TNK2: variants seen among roughly 807,000 people sequenced by gnomAD.
TNK2 encodes tyrosine kinase non receptor 2, also known as activated CDC42 kinase 1.
Under a neutral mutation model 101.8 loss-of-function variants are expected in TNK2, and 83 were observed. That is an observed-to-expected ratio of 0.82 (90% confidence interval 0.68 to 0.98). The LOEUF is 0.98. Ranked by LOEUF, TNK2 falls within the 50% of genes least tolerant of loss-of-function variation. TNK2 has a pLI of 0.00. For missense variants in TNK2, 1,665 were observed against 1,483.2 expected, an observed-to-expected ratio of 1.12 and a Z score of -2.01; for synonymous variants, 804 against 633.0, an observed-to-expected ratio of 1.27 and a Z score of -4.06.
At chr3:195,895,634 GCT>G in intron 1 of TNK2, 4 of 1,282,704 alleles carry the variant, frequency 3.1e-6, no homozygotes, top group Non-Finnish European at 3.9e-6. Context: ...GAGAGCCGGG[GCT>G]CTGCCTTCGC....
intron 15 of TNK2, among the ~76,000 whole-genome samples, chr3:195,865,652 A>G (rs1256977178): frequency 6.7e-6 from 1 of 150,250 alleles, no homozygotes; most frequent in African/African-American, 2.5e-5. Context: ...AATGACAGAC[A>G]GGTGACACAG....
intron 1 of TNK2, among the ~76,000 whole-genome samples, chr3:195,891,630 C>G (rs551531944): frequency 6.6e-6 from 1 of 151,942 alleles, no homozygotes. Context: ...CCACGGCCAC[C>G]GCTGCCCTGT....
At chr3:195,894,596 A>G (rs961512937) in intron 1 of TNK2, 2 of 151,380 alleles carry the variant, frequency 1.3e-5, no homozygotes, top group Non-Finnish European at 2.9e-5. Context: ...GCTGGTCCCG[A>G]ATTCCTGACC....
intron 10 of TNK2, 121 bp downstream of exon 10, chr3:195,872,155 G>A (rs937166208): frequency 1.9e-5 from 22 of 1,137,726 alleles, no homozygotes; most frequent in South Asian, 7.7e-5. Flanking sequence ...GGAGAGTGGC[G>A]GGTCGGGGGC....
Position 195,883,067 on chromosome 3 carries a change from C to T in TNK2, c.609+90G>A. 3 of 1,522,138 alleles carry T rather than the reference C, an allele frequency of 2.0e-6. No individual in the cohort carries two copies. The South Asian group carries it at 3.6e-5, about 18-fold the overall frequency. 94.3% of individuals were successfully genotyped at this position (1,522,138 alleles called of 1,614,324 possible). The stretch of plus-strand genomic sequence containing the variant: ...GGGACCAAAGTAGGATCTAGGGCGC[C>T]TCTGACCTTAGGATGGAGAGAGGAA... On this transcript the variant is annotated intron_variant, in intron 5 of 15. Transcript: ENST00000672887.
chr3:195,878,604 G>C lies in TNK2; in HGVS notation c.1015-12C>G, dbSNP rs1750719726. 1 of 1,608,784 alleles carries C rather than the reference G, an allele frequency of 6.2e-7. No homozygotes were observed. Among genetic ancestry groups the C allele is most frequent in the Non-Finnish European group, 8.5e-7 (1 of 1,177,304 alleles). On this transcript the variant is annotated splice_polypyrimidine_tract_variant and intron_variant, in intron 7 of 15. Coordinates refer to ENST00000672887, the MANE Select transcript of TNK2 (RefSeq NM_001382273.1). The surrounding 1 kb of genome is among the most constrained non-coding windows in gnomAD (Gnocchi z 4.7). Reference sequence around the variant, plus strand: ...ATCTTATGCAGGATCTGAAGGTGAGGAGGTGCAGAGTTTGACGACAAACAG... The same window carrying C: ...ATCTTATGCAGGATCTGAAGGTGAGCAGGTGCAGAGTTTGACGACAAACAG...
intron 1 of TNK2, among the ~76,000 whole-genome samples, chr3:195,897,843 GCTT>G (rs1760804377): frequency 5.5e-5 from 2 of 36,580 alleles, no homozygotes; most frequent in South Asian, 6.1e-4. Context: ...CCCGCCCCCA[GCTT>G]CTTAACTGTT....
intron 10 of TNK2, among the ~76,000 whole-genome samples, chr3:195,871,053 C>T (rs569809016): frequency 9.0e-5 from 13 of 143,976 alleles, no homozygotes; most frequent in African/African-American, 2.2e-4. Flanking sequence ...GTGTGGGGCC[C>T]GGTGGGTGAA....
intron 10 of TNK2, 105 bp from the exon 11 acceptor site, chr3:195,870,310 G>C (rs1475437997): frequency 6.5e-7 from 1 of 1,549,038 alleles, no homozygotes; most frequent in South Asian, 1.1e-5. Flanking sequence ...TGTAGTCTTG[G>C]GTCTGAAGCA....
chr3:195,898,670 G>A (rs111596071), intron 1 of TNK2, among the ~76,000 whole-genome samples: 3,593 of 152,242 alleles, frequency 0.024, 82 homozygotes, highest in African/African-American at 0.068. Flanking sequence ...CTGTTGCCCA[G>A]GCTGGAGTGC....
intron 15 of TNK2, among the ~76,000 whole-genome samples, chr3:195,864,620 T>G (rs1250471653): frequency 7.5e-6 from 1 of 133,982 alleles, no homozygotes; most frequent in Non-Finnish European, 1.6e-5. Flanking sequence ...TGACACGGAG[T>G]GCCTGCATCC....
chr3:195,868,616 A>G lies in TNK2; in HGVS notation c.1682T>C (p.Leu561Pro). 6.3e-7 allele frequency: 1 copy of G among 1,589,210 alleles called. No homozygotes were observed. The highest frequency in any genetic ancestry group is 1.1e-5 in the South Asian group (1 of 90,264). The change falls in exon 13 of 16, where the codon CTG (leucine) becomes CCG (proline). Residue 561 changes from leucine (L) to proline (P), a missense_variant. Physicochemically the swap from Leu to Pro is moderately conservative, Grantham distance 98 (BLOSUM62 -3). Transcript: ENST00000672887. The part of the protein sequence containing the change: ...GLRKPGLPRG[L>P]WLAKPSARVP... ...CCGCGCCGAGGGCTTCGCCAGCCAC[A>G]GCCCTCGGGGCAGGCCTGGCTTCCG... is the stretch of plus-strand genomic sequence containing the variant.
rs200408614 is a variant in TNK2 at position 195,864,176 on chromosome 3, G to A, written c.*5C>T. Reference sequence around the variant, plus strand: ...AGGCAGGCCCTCTGGCTCTCCAGACGCATCTCAGCGCCTAGAGAATGGGAA... The same window carrying A: ...AGGCAGGCCCTCTGGCTCTCCAGACACATCTCAGCGCCTAGAGAATGGGAA... On this transcript the variant is annotated 3_prime_UTR_variant, in exon 16 of 16. Coordinates refer to ENST00000672887, the MANE Select transcript of TNK2 (RefSeq NM_001382273.1). The A allele has an allele frequency of 2.3e-5, 37 of 1,613,980 alleles. No individual in the cohort carries two copies. In the East Asian group the frequency reaches 4.2e-4, roughly 18 times the overall value.
At chr3:195,864,411 G>T (rs528564761) in intron 15 of TNK2, among the ~76,000 whole-genome samples, 1 of 152,086 alleles carries the variant, frequency 6.6e-6, no homozygotes, top group Non-Finnish European at 1.5e-5. Flanking sequence ...GAAGACGACA[G>T]GTGGGATAGA....
chr3:195,892,642 G>A (rs1055884492), intron 1 of TNK2: 43 of 1,425,002 alleles, frequency 3.0e-5, no homozygotes, highest in Non-Finnish European at 3.5e-5. Flanking sequence ...TGCAAGCCCC[G>A]CTGGGTTTCC....
chr3:195,866,787 G>A (rs1741161291), intron 15 of TNK2, 102 bp downstream of exon 15: 3 of 1,484,508 alleles, frequency 2.0e-6, no homozygotes, highest in Admixed American at 2.1e-5. Context: ...TGTCTCCCTG[G>A]CCGGGAGCGG....
intron 1 of TNK2, chr3:195,896,890 C>T (rs1343466367): frequency 6.6e-6 from 1 of 152,282 alleles, no homozygotes; most frequent in Admixed American, 6.5e-5. Flanking sequence ...GCCTCTCCAA[C>T]TGCATGCGAA....
rs756528141 is a variant in TNK2 at position 195,867,861 on chromosome 3, G to C, written c.2437C>G (p.Pro813Ala). The C allele has an allele frequency of 6.5e-7, 1 of 1,531,030 alleles. No homozygotes were observed. Among genetic ancestry groups the C allele is most frequent in the Non-Finnish European group, 8.7e-7 (1 of 1,144,482 alleles). 94.8% of individuals were successfully genotyped at this position (1,531,030 alleles called of 1,614,324 possible). ...CGGGGTGGCAGCGGGGAGCTGCCAG[G>C]TGGTACCAGGGGGCTGGGTGTCCTC... ...GSRTPSPLVP[P>A]GSSPLPPRLS... Residue 813 changes from proline to alanine, a missense_variant, in exon 13 of 16, where the codon CCT becomes GCT. By Grantham distance (27) the Pro-to-Ala change is conservative. Transcript: ENST00000672887.
In TNK2 at chr3:195,867,972, G is replaced by C; in HGVS notation, c.2326C>G (p.Pro776Ala). ...RPHVQLSPAP[P>A]GEEETSQWPG... ...CACTGGCTGGTCTCCTCCTCGCCCG[G>C]GGGGGCTGGAGACAGCTGGACGTGT... Residue 776 changes from proline (P) to alanine (A), a missense_variant, in exon 13 of 16, where the codon CCG becomes GCG. Pro to Ala is a conservative substitution (Grantham distance 27). Transcript: ENST00000672887. The C allele has an allele frequency of 1.9e-6, 3 of 1,546,998 alleles. No homozygotes were observed. The highest frequency in any genetic ancestry group is 2.6e-6 in the Non-Finnish European group (3 of 1,158,564).
Sources: gnomAD v4.1 joint callset for allele counts (sites outside exome capture counted in the v4.1 genomes callset) on GRCh38, gnomAD v4.1.1 for gene constraint, Gnocchi (gnomAD v3.1) non-coding constraint, MANE v1.5 for transcripts, NCBI Gene and HGNC (gene_info 2026-07-23, HGNC 2026-07-21) for gene names.